The following TRPM3 variants were observed in gnomAD, a reference collection of about 807,000 sequenced individuals.
TRPM3 encodes long transient receptor potential channel 3.
A neutral mutation model predicts 181.2 loss-of-function variants in TRPM3; 77 were observed. The ratio of observed to expected loss-of-function variants is 0.42; its 90% confidence interval spans 0.35 to 0.51. TRPM3 has a LOEUF of 0.51. Ranked by LOEUF, TRPM3 falls within the 20% of genes least tolerant of loss-of-function variation. TRPM3 has a pLI of 0.01. For synonymous variants in TRPM3, 745 were observed against 796.4 expected (o/e 0.94, Z 1.09); for missense variants, 1,759 against 2,196.7 (o/e 0.80, Z 3.98).
At chr9:71,272,437 A>C (rs1260620795) in intron 1 of TRPM3, among the ~76,000 whole-genome samples, 1 of 152,172 alleles carries the variant, frequency 6.6e-6, no homozygotes, top group East Asian at 1.9e-4. Flanking sequence ...CGCTTTTCCT[A>C]CAGAAATACC....
chr9:70,601,749 G>A lies in TRPM3; in HGVS notation c.2796+1593C>T, dbSNP rs148737869. Among the ~76,000 whole-genome samples the A allele has an allele frequency of 1.2e-3, 188 of 152,292 alleles. 1 individual carries two copies. The highest frequency in any genetic ancestry group is 0.01 in the Middle Eastern group (3 of 294). On this transcript the variant is annotated intron_variant, in intron 20 of 25. Transcript: ENST00000677713. ...CCTCGAGGCTCCTGGCAGCCTGCCC[G>A]TTTGGCAGCCTCTGCCAGAACAGTC...
rs2090115505 is a variant in TRPM3 at position 71,331,600 on chromosome 9, A to G, written c.183+115053T>C. Among the ~76,000 whole-genome samples, 4 of 151,058 alleles carry G rather than the reference A, an allele frequency of 2.6e-5. 1 individual carries two copies. In the South Asian group the frequency reaches 8.4e-4, roughly 32 times the overall value. The stretch of plus-strand genomic sequence containing the variant: ...TTTTACATTTCTTATCATTTAGTTT[A>G]TATTCTAAAAATAAGGAGAAGAAGG... On this transcript the variant is annotated intron_variant, in intron 1 of 24. Transcript: ENST00000357533.
intron 1 of TRPM3, among the ~76,000 whole-genome samples, chr9:71,026,909 G>T (rs776868795): frequency 2.0e-5 from 3 of 152,190 alleles, no homozygotes; most frequent in Non-Finnish European, 4.4e-5. Context: ...CACAGATGCT[G>T]CATGGTGGCT....
intron 1 of TRPM3, among the ~76,000 whole-genome samples, chr9:71,055,035 G>C (rs188992216): frequency 1.4e-3 from 214 of 152,230 alleles, no homozygotes; most frequent in African/African-American, 4.4e-3. Context: ...GTTCAGAGTA[G>C]ATTTGGAGAT....
At chr9:70,871,387 ATT>A (rs1225166952) in intron 1 of TRPM3, among the ~76,000 whole-genome samples, 2 of 151,774 alleles carry the variant, frequency 1.3e-5, no homozygotes, top group Non-Finnish European at 2.9e-5. Context: ...TTGCTTATGT[ATT>A]TTTTTACCCG....
At chr9:70,556,156 T>C (rs1433407303) in intron 22 of TRPM3, among the ~76,000 whole-genome samples, 1 of 152,128 alleles carries the variant, frequency 6.6e-6, no homozygotes, top group African/African-American at 2.4e-5. Flanking sequence ...CATCAACATA[T>C]TTCCAGGTCT....
chr9:71,351,873 T>TG (rs773307323), intron 1 of TRPM3, among the ~76,000 whole-genome samples: 154 of 92,488 alleles, frequency 1.7e-3, no homozygotes, highest in Middle Eastern at 4.7e-3. Context: ...TTTGTTTGTT[T>TG]TTGTTTTTTT....
At chr9:71,031,448 G>T (rs1206926414) in intron 1 of TRPM3, among the ~76,000 whole-genome samples, 1 of 152,124 alleles carries the variant, frequency 6.6e-6, no homozygotes, top group East Asian at 1.9e-4. Flanking sequence ...CCTTGGTCAG[G>T]TTGCTATCGA....
chr9:70,792,920 T>A (rs1212341498), intron 6 of TRPM3, among the ~76,000 whole-genome samples: 2 of 152,130 alleles, frequency 1.3e-5, no homozygotes, highest in African/African-American at 4.8e-5. Flanking sequence ...TAATTAAAAT[T>A]CAAAATACAA....
chr9:70,659,423 TG>T (rs1348326336), intron 9 of TRPM3, among the ~76,000 whole-genome samples: 1 of 152,120 alleles, frequency 6.6e-6, no homozygotes, highest in Non-Finnish European at 1.5e-5. Flanking sequence ...AATCCATGGC[TG>T]GGTTGGGTTT....
intron 1 of TRPM3, among the ~76,000 whole-genome samples, chr9:70,906,675 G>A (rs1435180449): frequency 2.0e-5 from 3 of 152,292 alleles, no homozygotes; most frequent in East Asian, 1.9e-4. Context: ...GGCCAAGGCC[G>A]GCGGATCACC....
At chr9:71,118,095 G>C (rs541522364) in intron 1 of TRPM3, among the ~76,000 whole-genome samples, 7 of 152,202 alleles carry the variant, frequency 4.6e-5, no homozygotes, top group African/African-American at 1.7e-4. Flanking sequence ...AAACACATAA[G>C]AATAAAGCAA....
intron 1 of TRPM3, among the ~76,000 whole-genome samples, chr9:71,133,963 CTGTGTGTGTTTG>C (rs2074547331): frequency 7.6e-6 from 1 of 131,802 alleles, no homozygotes; most frequent in South Asian, 2.6e-4. Flanking sequence ...ACTATCTAAA[CTGTGTGTGTTTG>C]TGTGTGTGTG....
rs67630432 is a variant in TRPM3 at position 70,674,724 on chromosome 9, A to ATTTTT, written c.1345+6777_1345+6781dup. Among the ~76,000 whole-genome samples, 49 of 97,864 alleles carry ATTTTT rather than the reference A, an allele frequency of 5.0e-4. 1 individual carries two copies. Among genetic ancestry groups the ATTTTT allele is most frequent in the South Asian group, 1.2e-3 (3 of 2,584 alleles). 64.2% of individuals were successfully genotyped at this position (97,864 alleles called of 152,430 possible). On this transcript the variant is annotated intron_variant, in intron 9 of 25. Transcript: ENST00000677713. ...ACATGCATATGCCACTATTCAGGCTATTTTTTTTTTTTTTTTTTTTTTTTA... is the reference window on the plus strand; with the variant it reads ...ACATGCATATGCCACTATTCAGGCTATTTTTTTTTTTTTTTTTTTTTTTTTTTTTA...
intron 1 of TRPM3, among the ~76,000 whole-genome samples, chr9:70,971,119 G>A (rs2097240054): frequency 6.6e-6 from 1 of 152,030 alleles, no homozygotes; most frequent in African/African-American, 2.4e-5. Flanking sequence ...TACATCTGTT[G>A]TATCACTTTT....
At chr9:70,956,296 CTTTTTTTTTT>C (rs537484746) in intron 1 of TRPM3, among the ~76,000 whole-genome samples, 8 of 97,142 alleles carry the variant, frequency 8.2e-5, no homozygotes, top group Non-Finnish European at 1.3e-4. Flanking sequence ...AGAAATACAC[CTTTTTTTTTT>C]TTTTTTTTTT....
In TRPM3 at chr9:71,174,892, G is replaced by C. The variant is rs190978914; in HGVS notation, c.183+271761C>G. ...CAGCGCACTTGACCAAAAGCTATTTGGTTGCTTTGTCTTCAGATAGTGAGA... is the reference window on the plus strand; with the variant it reads ...CAGCGCACTTGACCAAAAGCTATTTCGTTGCTTTGTCTTCAGATAGTGAGA... On this transcript the variant is annotated intron_variant, in intron 1 of 24. Coordinates refer to the TRPM3 transcript ENST00000357533. 2.6e-5 allele frequency among the ~76,000 whole-genome samples: 4 copies of C among 152,226 alleles called. No homozygotes were observed. In the East Asian group the frequency reaches 5.8e-4, roughly 22 times the overall value.
chr9:71,091,818 T>C (rs2066273560), intron 1 of TRPM3, among the ~76,000 whole-genome samples: 3 of 152,092 alleles, frequency 2.0e-5, no homozygotes, highest in Non-Finnish European at 2.9e-5. Context: ...TCGAGCATCA[T>C]CTAGTATTTG....
chr9:71,043,889 TCTAGTAGTCTTTCCTTAGAC>T (rs1377414514), intron 1 of TRPM3, among the ~76,000 whole-genome samples: 2 of 152,196 alleles, frequency 1.3e-5, no homozygotes, highest in African/African-American at 4.8e-5. Flanking sequence ...ATTCACAAAG[TCTAGTAGTCTTTCCTTAGAC>T]CTGATCCTTT....
Sources: gnomAD v4.1 joint callset for allele counts (sites outside exome capture counted in the v4.1 genomes callset) on GRCh38, gnomAD v4.1.1 for gene constraint, MANE v1.5 for transcripts, NCBI Gene and HGNC (gene_info 2026-07-23, HGNC 2026-07-21) for gene names.